The following ATXN7L1 variants were observed in gnomAD, a reference collection of about 807,000 sequenced individuals.
ATXN7L1 encodes the protein ataxin 7 like 1.
Under a neutral mutation model 70.8 loss-of-function variants are expected in ATXN7L1, and 15 were observed. The ratio of observed to expected loss-of-function variants is 0.21; its 90% CI spans 0.14 to 0.33. The LOEUF (loss-of-function observed/expected upper bound fraction) is 0.33, where lower values mean the gene tolerates loss of function less well. Ranked by LOEUF, ATXN7L1 falls within the 10% of genes least tolerant of loss-of-function variation. ATXN7L1 has a pLI of 1.00. For missense variants in ATXN7L1, 975 were observed against 1,097.1 expected (o/e 0.89, Z 1.57); for synonymous variants, 440 against 445.1 (o/e 0.99, Z 0.14).
Position 105,614,369 on chromosome 7 carries a change from G to C in ATXN7L1, c.1965C>G (p.Ser655=). ...TCTGCAAGGAAGAGGAGGAGGAGGAGGAGGAGGAGGAAGTCGAAGACTGTG... is the reference window on the plus strand; with the variant it reads ...TCTGCAAGGAAGAGGAGGAGGAGGACGAGGAGGAGGAAGTCGAAGACTGTG... ...RKPQSSTSSS[S]SSSSSSLQTS... is the part of the protein sequence containing the mutation. Residue 655 remains serine, a synonymous_variant, in exon 10 of 12, where the codon TCC becomes TCG. Coordinates refer to ENST00000419735, the MANE Select transcript of ATXN7L1 (RefSeq NM_020725.2). This position sits in a 1 kb window ranked among gnomAD's most constrained non-coding sequence, Gnocchi z 4.3. The C allele has an allele frequency of 6.4e-7, 1 of 1,552,432 alleles. No homozygotes were observed. The highest frequency in any genetic ancestry group is 1.2e-5 in the South Asian group (1 of 84,058).
At chr7:105,797,473 C>T (rs1354136057) in intron 2 of ATXN7L1, among the ~76,000 whole-genome samples, 1 of 152,218 alleles carries the variant, frequency 6.6e-6, no homozygotes, top group African/African-American at 2.4e-5. Context: ...CAGGATGCTT[C>T]CTTAGGCCTC....
chr7:105,706,339 G>A lies in ATXN7L1; in HGVS notation c.356-41051C>T, dbSNP rs912908050. Among the ~76,000 whole-genome samples the A allele has an allele frequency of 5.9e-5, 9 of 151,922 alleles. 1 individual carries two copies. The South Asian group carries it at 6.2e-4, about 10-fold the overall frequency. ...CTCTGGAGTAGCTGGGATTACAGGC[G>A]TGCATCACCATGCCCAGCTAATTTT... On this transcript the variant is annotated intron_variant, in intron 3 of 11. Transcript: ENST00000419735.
At chr7:105,634,368 T>C (rs887884400) in intron 7 of ATXN7L1, among the ~76,000 whole-genome samples, 6 of 152,142 alleles carry the variant, frequency 3.9e-5, no homozygotes, top group Non-Finnish European at 8.8e-5. Flanking sequence ...TCTGAGCGCA[T>C]TAGGGAAGAG....
At chr7:105,676,692 T>C (rs1804701514) in intron 3 of ATXN7L1, among the ~76,000 whole-genome samples, 1 of 151,856 alleles carries the variant, frequency 6.6e-6, no homozygotes, top group Non-Finnish European at 1.5e-5. Flanking sequence ...ATACAAAAAT[T>C]AGCCAGGTGT....
chr7:105,819,929 G>C (rs978219783), intron 2 of ATXN7L1: 7 of 505,902 alleles, frequency 1.4e-5, no homozygotes, highest in Admixed American at 4.5e-5. Context: ...GAGGTTTGCT[G>C]TAAGTACCTG....
At chr7:105,809,281 C>G (rs951286203) in intron 2 of ATXN7L1, among the ~76,000 whole-genome samples, 2 of 152,212 alleles carry the variant, frequency 1.3e-5, no homozygotes, top group African/African-American at 4.8e-5. Flanking sequence ...CCCCATATAA[C>G]ATGAGATCTA....
chr7:105,821,831 G>C (rs1810211498), intron 2 of ATXN7L1, among the ~76,000 whole-genome samples: 1 of 152,264 alleles, frequency 6.6e-6, no homozygotes, highest in African/African-American at 2.4e-5. Flanking sequence ...TGTTGCTCCT[G>C]TGCTCACAAC....
rs191472803 is a variant in ATXN7L1, at chr7:105,847,823, A to T, written c.250+27989T>A. ...GTAAATGGTAGTTTTTATTATTAGT[A>T]CTGTCTTGTCAGCATAACTATTCAT... On this transcript the variant is annotated intron_variant, in intron 2 of 11. Transcript: ENST00000419735. Among the ~76,000 whole-genome samples the T allele has an allele frequency of 3.3e-5, 5 of 152,358 alleles. No homozygotes were observed. The East Asian group carries it at 5.8e-4, about 18-fold the overall frequency.
intron 4 of ATXN7L1, chr7:105,649,382 C>A (rs1331743797): frequency 7.1e-6 from 7 of 987,456 alleles, no homozygotes; most frequent in Non-Finnish European, 8.4e-6. Context: ...CCTCATCCCC[C>A]TTGCTACGTG....
At chr7:105,875,926 G>A (rs1240670154) in intron 1 of ATXN7L1, 46 bp from the exon 2 acceptor site, 2 of 1,577,884 alleles carry the variant, frequency 1.3e-6, no homozygotes, top group Non-Finnish European at 1.7e-6. Flanking sequence ...GGAAAAAAGG[G>A]GGGAAAAAAG....
intron 2 of ATXN7L1, among the ~76,000 whole-genome samples, chr7:105,819,041 AC>A (rs1809656171): frequency 1.1e-4 from 7 of 62,554 alleles, no homozygotes; most frequent in Admixed American, 8.7e-4. Flanking sequence ...CCAGCCCCCC[AC>A]CCCCGGAGAG....
intron 2 of ATXN7L1, among the ~76,000 whole-genome samples, chr7:105,791,929 C>T (rs974963341): frequency 1.3e-5 from 2 of 152,190 alleles, no homozygotes; most frequent in African/African-American, 2.4e-5. Context: ...ACTCTTGTGC[C>T]AGAAACTGCC....
chr7:105,804,330 G>C (rs913396085), intron 2 of ATXN7L1, among the ~76,000 whole-genome samples: 5 of 152,186 alleles, frequency 3.3e-5, no homozygotes, highest in African/African-American at 9.7e-5. Context: ...GGACTCCTGA[G>C]ACTGGCTGTC....
intron 2 of ATXN7L1, among the ~76,000 whole-genome samples, chr7:105,849,541 C>T (rs1814570207): frequency 6.6e-6 from 1 of 152,270 alleles, no homozygotes; most frequent in Non-Finnish European, 1.5e-5. Flanking sequence ...GCCTCTCTTA[C>T]AGGGTGGTGC....
At chr7:105,851,175 TG>T (rs1304381991) in intron 2 of ATXN7L1, among the ~76,000 whole-genome samples, 1 of 152,182 alleles carries the variant, frequency 6.6e-6, no homozygotes, top group Non-Finnish European at 1.5e-5. Context: ...ATCTATAGGA[TG>T]GCAGCTGGTG....
chr7:105,737,593 A>T (rs1223659906), intron 3 of ATXN7L1, among the ~76,000 whole-genome samples: 1 of 151,134 alleles, frequency 6.6e-6, no homozygotes, highest in Non-Finnish European at 1.5e-5. Context: ...TCATTTGACC[A>T]TATAGGGTTA....
At chr7:105,765,987 T>C (rs1301014449) in intron 3 of ATXN7L1, among the ~76,000 whole-genome samples, 1 of 151,926 alleles carries the variant, frequency 6.6e-6, no homozygotes, top group African/African-American at 2.4e-5. Context: ...ATCTGGCAGC[T>C]GTGGGGATGA....
chr7:105,635,975 T>C (rs1797296495), intron 7 of ATXN7L1, among the ~76,000 whole-genome samples: 2 of 152,184 alleles, frequency 1.3e-5, no homozygotes, highest in Admixed American at 6.5e-5. Flanking sequence ...ATCATGCCTA[T>C]TCAATCTTTA....
intron 3 of ATXN7L1, among the ~76,000 whole-genome samples, chr7:105,669,720 G>A (rs976604825): frequency 9.9e-5 from 15 of 151,978 alleles, no homozygotes; most frequent in Admixed American, 7.2e-4. Flanking sequence ...GGGAGTTTGA[G>A]ACCAGCCAGA....
Sources: gnomAD v4.1 joint callset for allele counts (sites outside exome capture counted in the v4.1 genomes callset) on GRCh38, gnomAD v4.1.1 for gene constraint, Gnocchi (gnomAD v3.1) non-coding constraint, MANE v1.5 for transcripts, NCBI Gene and HGNC (gene_info 2026-07-23, HGNC 2026-07-21) for gene names.